The following WWOX variants were observed in gnomAD, a reference collection of about 807,000 sequenced individuals.
WWOX encodes the protein WW domain-containing oxidoreductase.
Under a neutral mutation model 46.2 loss-of-function variants are expected in WWOX, and 69 were observed. That is an observed-to-expected ratio of 1.49 (90% confidence interval 1.23 to 1.82). The LOEUF is 1.82. WWOX is among the 40% of genes most tolerant of loss of function. WWOX has a pLI of 0.00. For synonymous variants in WWOX, 359 were observed against 202.6 expected (o/e 1.77, Z -6.56); for missense variants, 919 against 542.6 (o/e 1.69, Z -6.89).
chr16:78,971,650 T>A (rs1412466715), intron 8 of WWOX, among the ~76,000 whole-genome samples: 1 of 151,942 alleles, frequency 6.6e-6, no homozygotes, highest in African/African-American at 2.4e-5. Context: ...CAATATCCCT[T>A]ATATTCCTTA....
At chr16:78,701,093 A>G (rs1295078168) in intron 8 of WWOX, among the ~76,000 whole-genome samples, 3 of 152,116 alleles carry the variant, frequency 2.0e-5, no homozygotes, top group Non-Finnish European at 4.4e-5. Context: ...TCCTCTTTAA[A>G]GGTGGGCTAG....
At chr16:78,713,873 C>G (rs1027572124) in intron 8 of WWOX, among the ~76,000 whole-genome samples, 14 of 152,146 alleles carry the variant, frequency 9.2e-5, no homozygotes, top group African/African-American at 2.9e-4. Flanking sequence ...GGGTCCTGAT[C>G]TGAATATGAT....
chr16:78,312,223 C>T (rs781484335), intron 5 of WWOX, among the ~76,000 whole-genome samples: 3 of 151,716 alleles, frequency 2.0e-5, no homozygotes, highest in Non-Finnish European at 4.4e-5. Context: ...ATTCATATAA[C>T]CTGGCGTAGT....
intron 8 of WWOX, among the ~76,000 whole-genome samples, chr16:78,524,178 T>C (rs1045364430): frequency 6.6e-6 from 1 of 152,326 alleles, no homozygotes; most frequent in Non-Finnish European, 1.5e-5. Context: ...TTTTTCTCTT[T>C]ATAAAGTAAA....
At chr16:78,851,294 A>G (rs2052437199) in intron 8 of WWOX, among the ~76,000 whole-genome samples, 1 of 152,200 alleles carries the variant, frequency 6.6e-6, no homozygotes, top group African/African-American at 2.4e-5. Flanking sequence ...CAGGAGCTAT[A>G]ATTATCACAT....
At chr16:78,528,366 G>C (rs1335972338) in intron 8 of WWOX, among the ~76,000 whole-genome samples, 1 of 151,540 alleles carries the variant, frequency 6.6e-6, no homozygotes, top group Non-Finnish European at 1.5e-5. Context: ...TGTACTATGA[G>C]TAATTAGCAA....
At chr16:78,408,776 G>A (rs1271878605) in intron 6 of WWOX, among the ~76,000 whole-genome samples, 1 of 152,198 alleles carries the variant, frequency 6.6e-6, no homozygotes, top group African/African-American at 2.4e-5. Context: ...AGAGTTTCCT[G>A]AGTCACCTTT....
At chr16:78,360,826 G>A (rs11640536) in intron 5 of WWOX, among the ~76,000 whole-genome samples, 111,849 of 148,654 alleles carry the variant, frequency 0.75, 42,792 homozygotes, top group African/African-American at 0.84. Context: ...TGCCTTTAGT[G>A]CTTTTTTTTT....
chr16:78,467,623 G>C (rs550592553), intron 8 of WWOX, among the ~76,000 whole-genome samples: 2 of 152,224 alleles, frequency 1.3e-5, no homozygotes, highest in South Asian at 4.2e-4. Context: ...GAAAAATCTT[G>C]GGGAAAATAT....
rs2048643550 is a variant in WWOX at position 79,075,734 on chromosome 16, G to T, written c.1057-135874G>T. Among the ~76,000 whole-genome samples the T allele has an allele frequency of 2.6e-5, 4 of 152,104 alleles. No individual in the cohort carries two copies. The South Asian group carries it at 8.3e-4, about 32-fold the overall frequency. On this transcript the variant is annotated intron_variant, in intron 8 of 8. Coordinates refer to ENST00000566780, the MANE Select transcript of WWOX (RefSeq NM_016373.4). Reference sequence around the variant, plus strand: ...CACCTGGCTACTTTTTGTATTTTTAGTAGAGATGGGGTCTCATCTGGTGAT... The same window carrying T: ...CACCTGGCTACTTTTTGTATTTTTATTAGAGATGGGGTCTCATCTGGTGAT...
At chr16:79,046,922 AC>A (rs1374484035) in intron 8 of WWOX, among the ~76,000 whole-genome samples, 1 of 152,152 alleles carries the variant, frequency 6.6e-6, no homozygotes, top group Non-Finnish European at 1.5e-5. Flanking sequence ...AAATTCTTAA[AC>A]AACTCACAAC....
chr16:78,167,546 C>A (rs1170213938), intron 5 of WWOX: 1 of 152,172 alleles, frequency 6.6e-6, no homozygotes, highest in African/African-American at 2.4e-5. Flanking sequence ...ATACACGTGG[C>A]TCCAGATGTT....
intron 8 of WWOX, among the ~76,000 whole-genome samples, chr16:78,666,772 G>T (rs2142189414): frequency 6.6e-6 from 1 of 152,302 alleles, no homozygotes; most frequent in Admixed American, 6.5e-5. Context: ...CTTTCCTGGA[G>T]AGATTAGTGA....
intron 8 of WWOX, among the ~76,000 whole-genome samples, chr16:79,098,078 A>G (rs1432501320): frequency 2.0e-5 from 3 of 152,152 alleles, no homozygotes; most frequent in East Asian, 1.9e-4. Context: ...TCCTAGGTAC[A>G]TCAAGTTTTT....
At chr16:78,754,414 G>A (rs2049580127) in intron 8 of WWOX, among the ~76,000 whole-genome samples, 1 of 152,144 alleles carries the variant, frequency 6.6e-6, no homozygotes, top group South Asian at 2.1e-4. Context: ...TTATGAATTT[G>A]TAGATCAGGG....
intron 4 of WWOX, among the ~76,000 whole-genome samples, chr16:78,150,268 A>G (rs2034354663): frequency 6.6e-6 from 1 of 152,360 alleles, no homozygotes; most frequent in South Asian, 2.1e-4. Context: ...AGGGCCAGGC[A>G]TGCGGAGGGG....
chr16:78,107,986 C>T (rs944345764), intron 1 of WWOX, among the ~76,000 whole-genome samples: 7 of 151,776 alleles, frequency 4.6e-5, no homozygotes, highest in South Asian at 2.1e-4. Flanking sequence ...TGGAGTGCAG[C>T]GGCGTGATCT....
At chr16:78,894,566 A>C (rs143408392) in intron 8 of WWOX, among the ~76,000 whole-genome samples, 1 of 152,162 alleles carries the variant, frequency 6.6e-6, no homozygotes, top group African/African-American at 2.4e-5. Context: ...CTAATTTTCA[A>C]CTGGAGATGG....
At chr16:78,775,695 C>T (rs930076062) in intron 8 of WWOX, among the ~76,000 whole-genome samples, 5 of 152,156 alleles carry the variant, frequency 3.3e-5, no homozygotes, top group African/African-American at 9.7e-5. Flanking sequence ...CAATGGTTCA[C>T]ATAGGGGACA....
Sources: gnomAD v4.1 joint callset for allele counts (sites outside exome capture counted in the v4.1 genomes callset) on GRCh38, gnomAD v4.1.1 for gene constraint, MANE v1.5 for transcripts, NCBI Gene and HGNC (gene_info 2026-07-23, HGNC 2026-07-21) for gene names.